ANXA13: variants seen among roughly 807,000 people sequenced by gnomAD.
ANXA13 encodes the protein annexin XIII.
Under a neutral mutation model 46.6 loss-of-function variants are expected in ANXA13, and 36 were observed. The observed-to-expected ratio is 0.77, with a 90% confidence interval of 0.59 to 1.02. ANXA13 has a LOEUF of 1.02. Ranked by LOEUF, ANXA13 falls within the 50% of genes least tolerant of loss-of-function variation. The probability of loss-of-function intolerance (pLI) is 0.00; values close to 1 mark genes in which losing one functional copy is unlikely to be tolerated. For synonymous variants in ANXA13, 163 were observed against 152.9 expected (o/e 1.07, Z -0.49); for missense variants, 417 against 396.5 (o/e 1.05, Z -0.44).
intron 3 of ANXA13, among the ~76,000 whole-genome samples, chr8:123,699,571 C>G (rs1442789614): frequency 6.6e-6 from 1 of 152,216 alleles, no homozygotes; most frequent in Non-Finnish European, 1.5e-5. Flanking sequence ...TCCCTGTCTC[C>G]CTCTGACAAT....
At position 123,698,445 on chromosome 8, in the gene ANXA13, C is replaced by T. The variant is rs1478634364; in HGVS notation, c.301G>A (p.Gly101Ser). 1 of 1,614,156 alleles carries T rather than the reference C, an allele frequency of 6.2e-7. No homozygotes were observed. The highest frequency in any genetic ancestry group is 8.5e-7 in the Non-Finnish European group (1 of 1,180,028). Residue 101 changes from glycine to serine, a missense_variant, in exon 4 of 11, where the codon GGT becomes AGT. Transcript: ENST00000419625. ...AARQLQKAMK[G>S]LGTDESVLIE... ...AGGACGGACTCATCTGTGCCCAGAC[C>T]CTTCATAGCCTTCTGCAGCTGCCGG...
chr8:123,708,462 G>A (rs1275245669), intron 2 of ANXA13, among the ~76,000 whole-genome samples: 2 of 152,210 alleles, frequency 1.3e-5, no homozygotes, highest in Admixed American at 6.5e-5. Flanking sequence ...AGCCTGCCTG[G>A]CTGGGCCCAG....
chr8:123,684,786 C>A, intron 9 of ANXA13, 64 bp from the exon 10 acceptor site: 1 of 1,224,890 alleles, frequency 8.2e-7, no homozygotes. Flanking sequence ...CCTTGGGACC[C>A]CCCTAAATGT....
In ANXA13 at chr8:123,713,676, A is replaced by T. The variant is rs145168128; in HGVS notation, c.16-923T>A. On this transcript the variant is annotated intron_variant, in intron 1 of 10. Transcript: ENST00000419625. ...TGCCTTTTCTCATGGAGCTTTTCCTAAGTGATATGTGTCCATATATTTTCT... is the reference window on the plus strand; with the variant it reads ...TGCCTTTTCTCATGGAGCTTTTCCTTAGTGATATGTGTCCATATATTTTCT... Among the ~76,000 whole-genome samples, 362 of 152,232 alleles carry T rather than the reference A, an allele frequency of 2.4e-3. 1 individual carries two copies. The highest frequency in any genetic ancestry group is 8.6e-3 in the African/African-American group (357 of 41,538).
intron 1 of ANXA13, among the ~76,000 whole-genome samples, chr8:123,733,905 T>C (rs868864462): frequency 6.6e-6 from 1 of 152,194 alleles, no homozygotes; most frequent in African/African-American, 2.4e-5. Flanking sequence ...ACGCGTTCCA[T>C]AGTCCAGTGC....
In ANXA13 at chr8:123,688,057, T is replaced by C. The variant is rs375511544; in HGVS notation, c.718+814A>G. Among the ~76,000 whole-genome samples, 15 of 152,284 alleles carry C rather than the reference T, an allele frequency of 9.9e-5. No individual in the cohort carries two copies. In the East Asian group the frequency reaches 2.7e-3, roughly 27 times the overall value. On this transcript the variant is annotated intron_variant, in intron 9 of 10. Coordinates refer to ENST00000419625, the MANE Select transcript of ANXA13 (RefSeq NM_004306.4). ...GCCTGAAACTGGATAACAGTCTAGGTTGTTGACAGGTGCCCTCAGGGACCC... is the reference window on the plus strand; with the variant it reads ...GCCTGAAACTGGATAACAGTCTAGGCTGTTGACAGGTGCCCTCAGGGACCC...
At chr8:123,682,402 A>C (rs1813056233) in intron 10 of ANXA13, among the ~76,000 whole-genome samples, 1 of 152,234 alleles carries the variant, frequency 6.6e-6, no homozygotes, top group Non-Finnish European at 1.5e-5. Context: ...CTCATAAAAG[A>C]AGCAGAGAAC....
intron 4 of ANXA13, among the ~76,000 whole-genome samples, chr8:123,696,357 G>A (rs758694769): frequency 3.9e-5 from 6 of 152,196 alleles, no homozygotes; most frequent in Admixed American, 6.5e-5. Context: ...GGCTTAGGTC[G>A]TTTCCAAGTT....
At chr8:123,731,779 G>T (rs1226701013) in intron 1 of ANXA13, among the ~76,000 whole-genome samples, 1 of 152,116 alleles carries the variant, frequency 6.6e-6, no homozygotes. Context: ...GGGTATGGGG[G>T]TGCTGAGGTA....
chr8:123,726,837 C>T (rs1032230724), intron 1 of ANXA13, among the ~76,000 whole-genome samples: 3 of 152,134 alleles, frequency 2.0e-5, no homozygotes, highest in Non-Finnish European at 4.4e-5. Context: ...GATAAAGAAG[C>T]TGTGGTATAT....
intron 8 of ANXA13, among the ~76,000 whole-genome samples, chr8:123,689,299 T>C (rs1813191894): frequency 6.9e-6 from 1 of 145,640 alleles, no homozygotes; most frequent in South Asian, 2.1e-4. Flanking sequence ...TAATCATAGA[T>C]TTTTTTTTTA....
At chr8:123,708,632 C>T (rs577188093) in intron 2 of ANXA13, among the ~76,000 whole-genome samples, 31 of 152,356 alleles carry the variant, frequency 2.0e-4, no homozygotes, top group Non-Finnish European at 4.6e-4. Flanking sequence ...GTCACTGCTT[C>T]CCACTTGTTC....
chr8:123,724,051 T>A lies in ANXA13; in HGVS notation c.16-11298A>T, dbSNP rs190472529. On this transcript the variant is annotated intron_variant, in intron 1 of 10. Transcript: ENST00000419625. The stretch of plus-strand genomic sequence containing the variant: ...ACAGAAGAATGGAACAGGAAACTTA[T>A]CTGGATAGAAATCTTGAGCTGAGAA... Among the ~76,000 whole-genome samples the A allele has an allele frequency of 2.3e-3, 344 of 152,268 alleles. 2 individuals are homozygous for A. Among genetic ancestry groups the A allele is most frequent in the African/African-American group, 7.8e-3 (326 of 41,552 alleles).
rs1023589135 is a variant in ANXA13, at chr8:123,695,817, A to G, written c.358-96T>C. 3.1e-4 allele frequency: 341 copies of G among 1,089,260 alleles called. 1 individual carries two copies. Among genetic ancestry groups the G allele is most frequent in the African/African-American group, 1.2e-3 (75 of 63,544 alleles). The allele number at this position is 1,089,260 out of a possible 1,614,324, so 67.5% of individuals were successfully genotyped here. ...GAGGCGGGAGACCATGTCTGGACAC[A>G]AAGTGCCTTCAAGACTTCCTCTTAA... On this transcript the variant is annotated intron_variant, in intron 4 of 10. Coordinates refer to ENST00000419625, the MANE Select transcript of ANXA13 (RefSeq NM_004306.4).
intron 10 of ANXA13, among the ~76,000 whole-genome samples, chr8:123,683,161 A>G (rs541030415): frequency 6.6e-6 from 1 of 152,118 alleles, no homozygotes; most frequent in Non-Finnish European, 1.5e-5. Context: ...AGGCAGAGGC[A>G]TGGCAGGAGC....
At chr8:123,683,992 G>A (rs1367710424) in intron 10 of ANXA13, among the ~76,000 whole-genome samples, 1 of 152,098 alleles carries the variant, frequency 6.6e-6, no homozygotes, top group African/African-American at 2.4e-5. Flanking sequence ...TTTTTAGGGG[G>A]TGAAAAAGCC....
At chr8:123,719,516 G>A (rs983476222) in intron 1 of ANXA13, among the ~76,000 whole-genome samples, 1 of 152,168 alleles carries the variant, frequency 6.6e-6, no homozygotes, top group African/African-American at 2.4e-5. Flanking sequence ...GATACAGTAA[G>A]CACTTTTGGG....
At chr8:123,684,588 T>C (rs1348707069) in intron 10 of ANXA13, 22 bp downstream of exon 10, 2 of 1,531,942 alleles carry the variant, frequency 1.3e-6, no homozygotes, top group East Asian at 4.5e-5. Context: ...AGCCGCCTCT[T>C]TGGAGTCGGA....
At chr8:123,703,613 C>T (rs1489488064) in intron 2 of ANXA13, among the ~76,000 whole-genome samples, 1 of 152,182 alleles carries the variant, frequency 6.6e-6, no homozygotes, top group African/African-American at 2.4e-5. Context: ...TAGGCTGAAA[C>T]TGTTACAATA....
Sources: allele counts gnomAD v4.1 joint callset (sites outside exome capture counted in the v4.1 genomes callset), GRCh38; gene constraint gnomAD v4.1.1; transcripts MANE v1.5; gene names NCBI Gene and HGNC (gene_info 2026-07-23, HGNC 2026-07-21).